The following APP variants were observed in gnomAD, a reference collection of about 807,000 sequenced individuals.
APP encodes amyloid-beta precursor protein.
In APP, 31 loss-of-function variants were observed where a neutral mutation model predicts 101.4. The ratio of observed to expected loss-of-function variants is 0.31; its 90% CI spans 0.23 to 0.41. The LOEUF (loss-of-function observed/expected upper bound fraction) is 0.41, where lower values mean the gene tolerates loss of function less well. APP is among the 10% of genes least tolerant of loss of function. APP has a pLI of 1.00. For synonymous variants in APP, 366 were observed against 364.4 expected (o/e 1.00, Z -0.05); for missense variants, 839 against 1,003.7 (o/e 0.84, Z 2.22).
chr21:26,031,507 A>T (rs1332764594), intron 5 of APP, among the ~76,000 whole-genome samples: 1 of 152,176 alleles, frequency 6.6e-6, no homozygotes, highest in Non-Finnish European at 1.5e-5. Flanking sequence ...ATGGCTGGGG[A>T]GGCCTCAGAA....
chr21:25,996,603 G>A (rs1454668428), intron 8 of APP, among the ~76,000 whole-genome samples: 1 of 151,978 alleles, frequency 6.6e-6, no homozygotes, highest in Non-Finnish European at 1.5e-5. Context: ...CCTGCACAGC[G>A]CTTCCATTAT....
chr21:26,020,482 T>C (rs755005346), intron 6 of APP, among the ~76,000 whole-genome samples: 6 of 152,112 alleles, frequency 3.9e-5, no homozygotes, highest in East Asian at 1.9e-4. Flanking sequence ...GAAAATACTA[T>C]AGTGACAACT....
Position 25,955,702 on chromosome 21 carries a change from G to A in APP, c.1512C>T (p.Asp504=), listed in dbSNP as rs1004883499. The A allele has an allele frequency of 2.5e-6, 4 of 1,614,050 alleles. No homozygotes were observed. The African/African-American group carries it at 5.3e-5, about 22-fold the overall frequency. Residue 504 remains aspartate, a synonymous_variant, in exon 12 of 18, where the codon GAC becomes GAT. Transcript: ENST00000346798. ...LKKYVRAEQK[D]RQHTLKHFEH... ...CGAAATGCTTTAGGGTGTGCTGTCT[G>A]TCCTTCTGTTCTGCGCGGACATACT...
At chr21:25,911,075 AC>A (rs1254156297) in intron 14 of APP, among the ~76,000 whole-genome samples, 1 of 152,262 alleles carries the variant, frequency 6.6e-6, no homozygotes, top group African/African-American at 2.4e-5. Context: ...AATATACCTC[AC>A]AGTTAAAAAA....
chr21:25,942,198 T>A (rs1485967478), intron 13 of APP: 2 of 152,190 alleles, frequency 1.3e-5, no homozygotes, highest in African/African-American at 4.8e-5. Context: ...GAGGGACATT[T>A]CTTCTATCTA....
At chr21:25,955,537 T>A (rs2041276236) in intron 12 of APP, 90 bp downstream of exon 12, 2 of 1,590,042 alleles carry the variant, frequency 1.3e-6, no homozygotes, top group East Asian at 4.5e-5. Context: ...CTATAGGTGC[T>A]CGGAGAATGC....
chr21:26,045,010 T>C (rs1221796645), intron 5 of APP, among the ~76,000 whole-genome samples: 1 of 152,212 alleles, frequency 6.6e-6, no homozygotes. Context: ...ACACATTTTA[T>C]GTCTGTGCAA....
intron 5 of APP, among the ~76,000 whole-genome samples, chr21:26,030,321 T>C (rs994582673): frequency 8.5e-5 from 13 of 152,214 alleles, no homozygotes; most frequent in African/African-American, 3.1e-4. Context: ...AGGACCTTTC[T>C]GGAACTCAGG....
intron 17 of APP, among the ~76,000 whole-genome samples, chr21:25,886,713 T>C (rs1012404419): frequency 6.6e-6 from 1 of 152,140 alleles, no homozygotes; most frequent in African/African-American, 2.4e-5. Context: ...TTTTTGATGC[T>C]TTCCTTTGAT....
intron 1 of APP, among the ~76,000 whole-genome samples, chr21:26,164,584 T>C (rs2063566387): frequency 1.3e-5 from 2 of 152,132 alleles, no homozygotes; most frequent in South Asian, 4.1e-4. Context: ...AAGCTGCCAG[T>C]GTGTACAACA....
At chr21:25,911,183 T>C (rs1569043289) in intron 14 of APP, among the ~76,000 whole-genome samples, 2 of 152,232 alleles carry the variant, frequency 1.3e-5, no homozygotes, top group South Asian at 2.1e-4. Flanking sequence ...CATAATAATA[T>C]GATATACAGT....
chr21:25,970,165 C>T (rs1045445406), intron 11 of APP, among the ~76,000 whole-genome samples: 1 of 151,662 alleles, frequency 6.6e-6, no homozygotes, highest in Non-Finnish European at 1.5e-5. Context: ...GAACATGTTG[C>T]CTAATTCCAT....
chr21:25,953,173 T>C (rs2041167067), intron 13 of APP, among the ~76,000 whole-genome samples: 1 of 152,184 alleles, frequency 6.6e-6, no homozygotes, highest in Non-Finnish European at 1.5e-5. Context: ...CCTCAGGTGA[T>C]CTGCTCACCT....
chr21:25,887,206 A>G (rs1174755327), intron 17 of APP, among the ~76,000 whole-genome samples: 1 of 152,158 alleles, frequency 6.6e-6, no homozygotes, highest in Non-Finnish European at 1.5e-5. Flanking sequence ...TCCAGTGTCT[A>G]TGTATGTGAA....
At chr21:26,153,303 T>G (rs1283206976) in intron 1 of APP, among the ~76,000 whole-genome samples, 2 of 152,162 alleles carry the variant, frequency 1.3e-5, no homozygotes, top group African/African-American at 4.8e-5. Flanking sequence ...ATAAAAATTA[T>G]TCTCTCAAAA....
chr21:25,999,140 A>C (rs2043171533), intron 7 of APP, among the ~76,000 whole-genome samples: 1 of 151,984 alleles, frequency 6.6e-6, no homozygotes, highest in Non-Finnish European at 1.5e-5. Context: ...AAAATACAAA[A>C]AATTAGCCGG....
chr21:25,960,748 T>G lies in APP; in HGVS notation c.1459-4993A>C, dbSNP rs189524021. 4.4e-4 allele frequency among the ~76,000 whole-genome samples: 67 copies of G among 152,284 alleles called. No individual in the cohort carries two copies. In the East Asian group the frequency reaches 9.1e-3, roughly 21 times the overall value. On this transcript the variant is annotated intron_variant, in intron 11 of 17. Coordinates refer to ENST00000346798, the MANE Select transcript of APP (RefSeq NM_000484.4). ...GTGCATCTACATAAACACAAGCCTTTTCTTCCTAATGCCTATTGGATAAGC... is the reference window on the plus strand; with the variant it reads ...GTGCATCTACATAAACACAAGCCTTGTCTTCCTAATGCCTATTGGATAAGC...
intron 11 of APP, among the ~76,000 whole-genome samples, chr21:25,965,546 T>C (rs2041763682): frequency 6.6e-6 from 1 of 152,216 alleles, no homozygotes. Flanking sequence ...AGTTTTTTGT[T>C]GATATTAAAA....
chr21:25,975,514 T>C (rs111827962), intron 10 of APP, among the ~76,000 whole-genome samples: 2 of 152,054 alleles, frequency 1.3e-5, no homozygotes, highest in African/African-American at 4.8e-5. Context: ...TATGCACTCT[T>C]GAAACTCTTA....
Sources: allele counts gnomAD v4.1 joint callset (sites outside exome capture counted in the v4.1 genomes callset), GRCh38; gene constraint gnomAD v4.1.1; transcripts MANE v1.5; gene names NCBI Gene and HGNC (gene_info 2026-07-23, HGNC 2026-07-21).